Variants in DLGAP1 observed in about 807,000 individuals in gnomAD.
DLGAP1 encodes the protein disks large-associated protein 1.
Under a neutral mutation model 90.8 loss-of-function variants are expected in DLGAP1, and 11 were observed. The ratio of observed to expected loss-of-function variants is 0.12; its 90% CI spans 0.08 to 0.20. DLGAP1 has a LOEUF of 0.20. Ranked by LOEUF, DLGAP1 falls within the 10% of genes least tolerant of loss-of-function variation. The pLI is 1.00. For missense variants in DLGAP1, 1,050 were observed against 1,333.8 expected (o/e 0.79, Z 3.31); for synonymous variants, 558 against 540.7 (o/e 1.03, Z -0.44).
intron 3 of DLGAP1, among the ~76,000 whole-genome samples, chr18:3,955,554 A>C (rs752436106): frequency 2.0e-5 from 3 of 152,034 alleles, no homozygotes; most frequent in Non-Finnish European, 2.9e-5. Context: ...TCTACTAAAA[A>C]TACAAAAAAA....
Position 3,853,825 on chromosome 18 carries a change from G to A in DLGAP1, c.957+25287C>T, listed in dbSNP as rs138961896. ...AATTAGGCACACTCAACCTGCACTCGTATGAAGTTTGTTTCTGTTTTTGCT... is the reference window on the plus strand; with the variant it reads ...AATTAGGCACACTCAACCTGCACTCATATGAAGTTTGTTTCTGTTTTTGCT... On this transcript the variant is annotated intron_variant, in intron 4 of 12. Transcript: ENST00000315677. Among the ~76,000 whole-genome samples the A allele has an allele frequency of 5.3e-5, 8 of 152,198 alleles. No individual in the cohort carries two copies. The East Asian group carries it at 1.3e-3, about 26-fold the overall frequency.
intron 1 of DLGAP1, among the ~76,000 whole-genome samples, chr18:4,436,364 T>TA (rs899414572): frequency 2.0e-5 from 3 of 152,086 alleles, no homozygotes; most frequent in African/African-American, 7.2e-5. Context: ...GAAGGCTTGT[T>TA]AAAATCCTAT....
chr18:4,332,440 A>G (rs1568519147), intron 1 of DLGAP1, among the ~76,000 whole-genome samples: 1 of 151,666 alleles, frequency 6.6e-6, no homozygotes, highest in Non-Finnish European at 1.5e-5. Flanking sequence ...TTTTTTTTAA[A>G]AAGCAAACTG....
intron 7 of DLGAP1, among the ~76,000 whole-genome samples, chr18:3,664,126 C>A (rs894041056): frequency 1.3e-5 from 2 of 151,424 alleles, no homozygotes; most frequent in Non-Finnish European, 2.9e-5. Context: ...GGGTTTCAAG[C>A]TTGCTTGCTG....
At chr18:3,546,460 A>G (rs897750716) in intron 9 of DLGAP1, among the ~76,000 whole-genome samples, 1 of 151,788 alleles carries the variant, frequency 6.6e-6, no homozygotes, top group African/African-American at 2.4e-5. Flanking sequence ...TTCCTAGTAC[A>G]CACAGAGCAT....
intron 3 of DLGAP1, among the ~76,000 whole-genome samples, chr18:3,997,665 T>A (rs946343762): frequency 1.3e-5 from 2 of 152,140 alleles, no homozygotes; most frequent in Admixed American, 6.5e-5. Flanking sequence ...AAATATAATT[T>A]AAAATTTTAA....
intron 4 of DLGAP1, among the ~76,000 whole-genome samples, chr18:3,854,189 A>G (rs1464074064): frequency 6.6e-6 from 1 of 152,232 alleles, no homozygotes; most frequent in East Asian, 1.9e-4. Flanking sequence ...GGAGATTCAT[A>G]ACTGGTTGAA....
intron 4 of DLGAP1, among the ~76,000 whole-genome samples, chr18:3,815,379 C>A (rs1387353887): frequency 1.9e-5 from 2 of 106,424 alleles, no homozygotes; most frequent in Non-Finnish European, 3.8e-5. Context: ...ATGGCATTTT[C>A]TTGCTTTTAT....
At chr18:4,205,464 C>T (rs186545881) in intron 1 of DLGAP1, among the ~76,000 whole-genome samples, 41 of 152,320 alleles carry the variant, frequency 2.7e-4, no homozygotes, top group Admixed American at 5.2e-4. Context: ...ATGATAGCCA[C>T]TATCTACCTG....
intron 4 of DLGAP1, among the ~76,000 whole-genome samples, chr18:3,867,656 G>C (rs2070483440): frequency 6.6e-6 from 1 of 152,210 alleles, no homozygotes; most frequent in Admixed American, 6.5e-5. Flanking sequence ...GTAGGCAAAA[G>C]AGAAGGGCTG....
intron 9 of DLGAP1, among the ~76,000 whole-genome samples, chr18:3,554,027 C>T (rs2053618565): frequency 6.6e-6 from 1 of 152,054 alleles, no homozygotes; most frequent in African/African-American, 2.4e-5. Context: ...AGTTTGAAGC[C>T]ACTGTTAAAA....
intron 3 of DLGAP1, among the ~76,000 whole-genome samples, chr18:3,964,904 C>T (rs948049317): frequency 1.3e-5 from 2 of 152,124 alleles, no homozygotes; most frequent in African/African-American, 4.8e-5. Flanking sequence ...AAATCTTGCT[C>T]TTACTCTTGC....
chr18:3,803,011 T>C (rs1467728644), intron 5 of DLGAP1, among the ~76,000 whole-genome samples: 1 of 152,194 alleles, frequency 6.6e-6, no homozygotes, highest in Non-Finnish European at 1.5e-5. Context: ...ATAATGCCAT[T>C]GGTAAAGTGG....
intron 3 of DLGAP1, among the ~76,000 whole-genome samples, chr18:3,996,180 T>C (rs9959119): frequency 0.17 from 25,318 of 152,132 alleles, 2,252 homozygotes; most frequent in South Asian, 0.33. Flanking sequence ...TGGCTTTGTA[T>C]TATGTTTTAA....
At chr18:4,309,207 A>G (rs1403321487) in intron 1 of DLGAP1, among the ~76,000 whole-genome samples, 1 of 152,166 alleles carries the variant, frequency 6.6e-6, no homozygotes, top group South Asian at 2.1e-4. Context: ...TTTGTTCAGC[A>G]TTGTGCTTTG....
intron 1 of DLGAP1, among the ~76,000 whole-genome samples, chr18:4,170,731 T>A (rs1375943247): frequency 6.6e-6 from 1 of 152,188 alleles, no homozygotes; most frequent in Admixed American, 6.5e-5. Flanking sequence ...CTAATCTTTA[T>A]ATAATAATAA....
intron 5 of DLGAP1, among the ~76,000 whole-genome samples, chr18:3,762,524 AT>A (rs58069194): frequency 5.9e-5 from 9 of 151,654 alleles, no homozygotes; most frequent in South Asian, 4.2e-4. Context: ...ATTTTGATAG[AT>A]TTTTTTTTCA....
chr18:4,334,585 T>C (rs2081029172), intron 1 of DLGAP1, among the ~76,000 whole-genome samples: 1 of 151,854 alleles, frequency 6.6e-6, no homozygotes, highest in African/African-American at 2.4e-5. Context: ...GTCATGTGTC[T>C]TCAGCAACTA....
chr18:4,446,997 A>T (rs1374831026), intron 1 of DLGAP1, among the ~76,000 whole-genome samples: 2 of 152,248 alleles, frequency 1.3e-5, no homozygotes, highest in Admixed American at 1.3e-4. Flanking sequence ...TCATATCCAT[A>T]AGATTGGCCA....
Sources: allele counts gnomAD v4.1 joint callset (sites outside exome capture counted in the v4.1 genomes callset), GRCh38; gene constraint gnomAD v4.1.1; transcripts MANE v1.5; gene names NCBI Gene and HGNC (gene_info 2026-07-23, HGNC 2026-07-21).